SP7: variants seen among roughly 807,000 people sequenced by gnomAD.
SP7 encodes transcription factor Sp7.
In SP7, 13 loss-of-function variants were observed where a neutral mutation model predicts 27.9. The observed-to-expected ratio is 0.47, with a 90% CI of 0.30 to 0.74. SP7 has a LOEUF of 0.74. SP7 is among the 30% of genes least tolerant of loss of function. SP7 has a pLI of 0.06. For missense variants in SP7, 525 were observed against 558.0 expected, an observed-to-expected ratio of 0.94 and a Z score of 0.60; for synonymous variants, 219 against 226.7, an observed-to-expected ratio of 0.97 and a Z score of 0.31.
intron 2 of SP7, among the ~76,000 whole-genome samples, chr12:53,330,424 G>A (rs1157099063): frequency 6.6e-6 from 1 of 152,148 alleles, no homozygotes; most frequent in Non-Finnish European, 1.5e-5. Context: ...CACCATCACA[G>A]CTCACTGTAG....
chr12:53,342,063 A>AC (rs1389236108), intron 1 of SP7, among the ~76,000 whole-genome samples: 1 of 143,776 alleles, frequency 7.0e-6, no homozygotes, highest in African/African-American at 2.6e-5. Context: ...GTCTCAAAAA[A>AC]AAAAACAAAA....
Position 53,328,934 on chromosome 12 carries a change from C to G in SP7, c.508G>C (p.Gly170Arg), listed in dbSNP as rs1944668956. ...AGCCCATCACCCTGGCCCTGCCCAC[C>G]ACCTAGCCAGTTGCCTCCAGGGTGC... ...DMHPGGNWLG[G>R]GQGQGDGLQG... The change falls in exon 3 of 3, where the codon GGT (glycine) becomes CGT (arginine). Residue 170 changes from glycine to arginine, a missense_variant. Gly to Arg is a moderately radical substitution (Grantham distance 125, BLOSUM62 -2). Coordinates refer to ENST00000536324, the MANE Select transcript of SP7 (RefSeq NM_001173467.3). The surrounding 1 kb of genome is among the most constrained non-coding windows in gnomAD (Gnocchi z 5.1). The G allele has an allele frequency of 6.2e-7, 1 of 1,611,506 alleles. No homozygotes were observed. The highest frequency in any genetic ancestry group is 2.2e-5 in the East Asian group (1 of 44,824).
At position 53,332,211 on chromosome 12, in the gene SP7, T is replaced by A. The variant is rs1165342982; in HGVS notation, c.22-2791A>T. 2.0e-5 allele frequency among the ~76,000 whole-genome samples: 3 copies of A among 151,834 alleles called. No individual in the cohort carries two copies. In the East Asian group the frequency reaches 5.8e-4, roughly 29 times the overall value. ...GCAGAGAGGCAGATACCCAGAGATATGGGGCACAAAGGACCTGCATAGGGT... is the reference window on the plus strand; with the variant it reads ...GCAGAGAGGCAGATACCCAGAGATAAGGGGCACAAAGGACCTGCATAGGGT... On this transcript the variant is annotated intron_variant, in intron 2 of 2. Transcript: ENST00000536324.
chr12:53,337,169 T>G (rs1944780731), upstream of SP7, among the ~76,000 whole-genome samples: 1 of 152,190 alleles, frequency 6.6e-6, no homozygotes, highest in African/African-American at 2.4e-5. Context: ...TTACCATCTC[T>G]TAGAGACCAT....
chr12:53,335,683 G>T lies in SP7; in HGVS notation c.-37C>A. The T allele has an allele frequency of 8.9e-7, 1 of 1,124,424 alleles. No homozygotes were observed. The highest frequency in any genetic ancestry group is 1.2e-6 in the Non-Finnish European group (1 of 801,976). The allele number at this position is 1,124,424 out of a possible 1,614,324, so 69.7% of individuals were successfully genotyped here. A position where few individuals can be genotyped will look rare whatever the true frequency, so the allele number is the denominator to read the frequency against. On this transcript the variant is annotated 5_prime_UTR_variant, in exon 2 of 3. In the 5' UTR this introduces an upstream ATG that the reference lacks. Transcript: ENST00000536324. ...GGAACGGGTCCCAAGGAGCCAGGCA[G>T]ATGGAGAGAGCTGAGCCGGGGGGTG...
In SP7 at chr12:53,328,006, G is replaced by A; in HGVS notation, c.*140C>T. On this transcript the variant is annotated 3_prime_UTR_variant, in exon 3 of 3. Coordinates refer to ENST00000536324, the MANE Select transcript of SP7 (RefSeq NM_001173467.3). The surrounding 1 kb of genome is among the most constrained non-coding windows in gnomAD (Gnocchi z 5.1). ...GCATGCAAGGAGATACCCAAGCCCA[G>A]AATGGCCAGGAGGGAGACAGAGGGA... 1.2e-6 allele frequency: 1 copy of A among 851,656 alleles called. No homozygotes were observed. Among genetic ancestry groups the A allele is most frequent in the Non-Finnish European group, 1.8e-6 (1 of 568,452 alleles). 52.8% of individuals were successfully genotyped at this position (851,656 alleles called of 1,614,324 possible).
chr12:53,329,942 C>G (rs1018329432), intron 2 of SP7, among the ~76,000 whole-genome samples: 1 of 152,152 alleles, frequency 6.6e-6, no homozygotes, highest in African/African-American at 2.4e-5. Context: ...CCATGTTGAC[C>G]AGACTGGTCT....
At position 53,328,410 on chromosome 12, in the gene SP7, A is replaced by G. The variant is rs751041495; in HGVS notation, c.1032T>C (p.His344=). Residue 344 remains histidine, a synonymous_variant, in exon 3 of 3, where the codon CAT becomes CAC. Coordinates refer to ENST00000536324, the MANE Select transcript of SP7 (RefSeq NM_001173467.3). The surrounding 1 kb of genome is among the most constrained non-coding windows in gnomAD (Gnocchi z 5.1). ...RFTRSDELER[H]VRTHTREKKF... ...TCTTCTCCCGGGTGTGAGTGCGCAC[A>G]TGACGCTCCAGCTCATCCGAACGAG... 63 of 1,613,934 alleles carry G rather than the reference A, an allele frequency of 3.9e-5. No homozygotes were observed. The highest frequency in any genetic ancestry group is 6.7e-5 in the Admixed American group (4 of 60,020).
chr12:53,335,512 T>C, intron 2 of SP7, 114 bp downstream of exon 2: 1 of 722,796 alleles, frequency 1.4e-6, no homozygotes, highest in Non-Finnish European at 2.6e-6. Flanking sequence ...GAAGGACCCC[T>C]GGAATTGACA....
chr12:53,339,096 C>T (rs551147113), upstream of SP7, among the ~76,000 whole-genome samples: 46 of 152,248 alleles, frequency 3.0e-4, no homozygotes, highest in Middle Eastern at 3.4e-3. Flanking sequence ...GTAGAGGCTG[C>T]GGCTCTGGTC....
At chr12:53,342,074 A>C (rs1000702013) in intron 1 of SP7, among the ~76,000 whole-genome samples, 11 of 98,820 alleles carry the variant, frequency 1.1e-4, no homozygotes, top group Admixed American at 2.1e-4. Context: ...AAAAACAAAA[A>C]ACAAACAAAC....
At chr12:53,331,674 C>T (rs1944707200) in intron 2 of SP7, among the ~76,000 whole-genome samples, 1 of 152,008 alleles carries the variant, frequency 6.6e-6, no homozygotes, top group African/African-American at 2.4e-5. Context: ...CTGGGAATCC[C>T]ACCAAAAAAG....
intron 2 of SP7, among the ~76,000 whole-genome samples, chr12:53,330,788 T>G (rs973295487): frequency 6.6e-6 from 1 of 152,168 alleles, no homozygotes; most frequent in Non-Finnish European, 1.5e-5. Flanking sequence ...AAGGCAGTGG[T>G]CTTGTCTCCC....
At chr12:53,332,491 T>G (rs1944716260) in intron 2 of SP7, among the ~76,000 whole-genome samples, 1 of 152,022 alleles carries the variant, frequency 6.6e-6, no homozygotes, top group African/African-American at 2.4e-5. Context: ...GATGGGAAGC[T>G]CACTTGAGCT....
At chr12:53,343,475 G>A (rs1944840030) in intron 1 of SP7, among the ~76,000 whole-genome samples, 1 of 152,192 alleles carries the variant, frequency 6.6e-6, no homozygotes, top group African/African-American at 2.4e-5. Flanking sequence ...TTACAATGGT[G>A]CAAGCTTGGG....
intron 2 of SP7, among the ~76,000 whole-genome samples, chr12:53,331,470 CA>C (rs367626786): frequency 5.7e-5 from 6 of 105,356 alleles, no homozygotes; most frequent in African/African-American, 1.1e-4. Flanking sequence ...GACTCCATCT[CA>C]AAAAAAAAAA....
chr12:53,335,846 G>A lies in SP7; in HGVS notation c.-47-153C>T, dbSNP rs115856335. 3.9e-3 allele frequency: 5,495 copies of A among 1,410,838 alleles called. 86 individuals are homozygous for A. The African/African-American group carries it at 0.04, about 10-fold the overall frequency. The allele number at this position is 1,410,838 out of a possible 1,614,324, so 87.4% of individuals were successfully genotyped here. ...ACCCTCTAATTACAGCTTTCCCAGC[G>A]GAGAAGGCTCCAGATCCAATGAGGA... On this transcript the variant is annotated intron_variant, in intron 1 of 2. Transcript: ENST00000536324.
upstream of SP7, among the ~76,000 whole-genome samples, chr12:53,338,796 A>G (rs1300363126): frequency 6.6e-6 from 1 of 152,156 alleles, no homozygotes; most frequent in Non-Finnish European, 1.5e-5. Flanking sequence ...CCCACCAGAG[A>G]TCAGCGCCAA....
At chr12:53,338,506 A>G (rs1944794605), upstream of SP7, among the ~76,000 whole-genome samples, 1 of 152,102 alleles carries the variant, frequency 6.6e-6, no homozygotes, top group Non-Finnish European at 1.5e-5. Context: ...TGAGAGAAGA[A>G]AGGAAGAAAC....
Sources: gnomAD v4.1 joint callset for allele counts (sites outside exome capture counted in the v4.1 genomes callset) on GRCh38, gnomAD v4.1.1 for gene constraint, Gnocchi (gnomAD v3.1) non-coding constraint, MANE v1.5 for transcripts, NCBI Gene and HGNC (gene_info 2026-07-23, HGNC 2026-07-21) for gene names.